The following YIPF5 variants were observed in gnomAD, a reference collection of about 807,000 sequenced individuals.
YIPF5 encodes Yip1 domain family member 5.
A neutral mutation model predicts 30.4 loss-of-function variants in YIPF5; 8 were observed. The observed-to-expected ratio is 0.26, with a 90% CI of 0.15 to 0.47. The LOEUF is 0.47. YIPF5 is among the 20% of genes least tolerant of loss of function. The pLI is 0.99. For synonymous variants in YIPF5, 104 were observed against 107.9 expected (o/e 0.96, Z 0.23); for missense variants, 282 against 301.8 (o/e 0.93, Z 0.49).
At position 144,164,216 on chromosome 5, in the gene YIPF5, T is replaced by TA; in HGVS notation, c.323dup (p.Thr109AsnfsTer16). Reference sequence around the variant, plus strand: ...CTACTTTTAACGGATGTAATACTGTTAGTGTTTTTTGCCAGATGTGGTCAA... The same window carrying TA: ...CTACTTTTAACGGATGTAATACTGTTAAGTGTTTTTTGCCAGATGTGGTCAA... On this transcript the variant is annotated frameshift_variant, in exon 4 of 6. Coordinates refer to ENST00000274496, the MANE Select transcript of YIPF5 (RefSeq NM_030799.9). LOFTEE classifies it high-confidence loss of function. 6.2e-7 allele frequency: 1 copy of TA among 1,612,378 alleles called. No individual in the cohort carries two copies. Among genetic ancestry groups the TA allele is most frequent in the Non-Finnish European group, 8.5e-7 (1 of 1,179,216 alleles).
At chr5:144,170,342 G>A (rs1752339709) in intron 1 of YIPF5, 193 bp downstream of exon 1, 1 of 185,906 alleles carries the variant, frequency 5.4e-6, no homozygotes, top group East Asian at 1.6e-4. Context: ...TAAGGCCTGC[G>A]GCCTGCCAGG....
At position 144,160,215 on chromosome 5, in the gene YIPF5, C is replaced by A; in HGVS notation, c.*182G>T. ...AAAGCTAGTCACACCGCAGGTAAATCCAATATAGTATGCAAAAGTTCTATA... is the reference window on the plus strand; with the variant it reads ...AAAGCTAGTCACACCGCAGGTAAATACAATATAGTATGCAAAAGTTCTATA... On this transcript the variant is annotated 3_prime_UTR_variant, in exon 6 of 6. Coordinates refer to ENST00000274496, the MANE Select transcript of YIPF5 (RefSeq NM_030799.9). 7.2e-7 allele frequency: 1 copy of A among 1,397,840 alleles called. No individual in the cohort carries two copies. The highest frequency in any genetic ancestry group is 9.3e-7 in the Non-Finnish European group (1 of 1,077,668). 86.6% of individuals were successfully genotyped at this position (1,397,840 alleles called of 1,614,324 possible). A position where few individuals can be genotyped will look rare whatever the true frequency, so the allele number is the denominator to read the frequency against.
chr5:144,162,121 G>C, intron 5 of YIPF5, 97 bp downstream of exon 5: 2 of 1,336,982 alleles, frequency 1.5e-6, no homozygotes, highest in Non-Finnish European at 2.1e-6. Flanking sequence ...TATCTGATAT[G>C]TTTGCTGAAT....
chr5:144,160,322 T>C lies in YIPF5; in HGVS notation c.*75A>G, dbSNP rs1433443180. The C allele has an allele frequency of 1.3e-6, 2 of 1,542,038 alleles. No individual in the cohort carries two copies. The highest frequency in any genetic ancestry group is 2.8e-5 in the African/African-American group (2 of 72,448). ...TGCATGAGAGTTGCGCTGCAGCAGT[T>C]TGCTGGTCCAATTTAAGAGTTCAAG... On this transcript the variant is annotated 3_prime_UTR_variant, in exon 6 of 6. Coordinates refer to ENST00000274496, the MANE Select transcript of YIPF5 (RefSeq NM_030799.9).
chr5:144,160,456 A>G lies in YIPF5; in HGVS notation c.715T>C (p.Leu239=), dbSNP rs114600366. ...AACAAAGCGCAAGGATATGCTACTA[A>G]AAGTTGCTGTCCTTCCATGGCTAAT... is the stretch of plus-strand genomic sequence containing the variant. The part of the protein sequence containing the change: ...SALAMEGQQL[L]VAYPCALLYG... The change falls in exon 6 of 6, where the codon TTA becomes CTA. Residue 239 remains leucine, a synonymous_variant. Coordinates refer to ENST00000274496, the MANE Select transcript of YIPF5 (RefSeq NM_030799.9). 9.0e-4 allele frequency: 1,455 copies of G among 1,614,142 alleles called. 9 individuals are homozygous for G. In the African/African-American group the frequency reaches 0.017, roughly 19 times the overall value.
Position 144,158,517 on chromosome 5 carries a change from T to C in YIPF5, c.*1880A>G. ...TTAAGTCTAACCAACAGCGAGATAA[T>C]TTTAATTTCCAAAGCATCTTCTACC... is the stretch of plus-strand genomic sequence containing the variant. On this transcript the variant is annotated 3_prime_UTR_variant, in exon 6 of 6. Transcript: ENST00000274496. 4 of 1,214,718 alleles carry C rather than the reference T, an allele frequency of 3.3e-6. No individual in the cohort carries two copies. The highest frequency in any genetic ancestry group is 4.2e-6 in the Non-Finnish European group (4 of 962,106). The allele number at this position is 1,214,718 out of a possible 1,614,324, so 75.2% of individuals were successfully genotyped here.
rs11459784 is a variant in YIPF5 at position 144,159,706 on chromosome 5, CTT to C, written c.*689_*690del. Reference sequence around the variant, plus strand: ...ATTTTTGCAGTAAGTCTTGTGTCTCCTTTTTTTTTTTTTTTTGAGACAGAGTC... The same window carrying C: ...ATTTTTGCAGTAAGTCTTGTGTCTCCTTTTTTTTTTTTTTGAGACAGAGTC... On this transcript the variant is annotated 3_prime_UTR_variant, in exon 6 of 6. Transcript: ENST00000274496. 9,067 of 871,462 alleles carry C rather than the reference CTT, an allele frequency of 0.01. No homozygotes were observed. The highest frequency in any genetic ancestry group is 0.011 in the Non-Finnish European group (8,339 of 736,726). The allele number at this position is 871,462 out of a possible 1,614,324, so 54.0% of individuals were successfully genotyped here. A position where few individuals can be genotyped will look rare whatever the true frequency, so the allele number is the denominator to read the frequency against.
At chr5:144,165,379 C>T (rs1380181504) in intron 3 of YIPF5, 53 bp downstream of exon 3, 10 of 1,550,898 alleles carry the variant, frequency 6.4e-6, no homozygotes, top group Non-Finnish European at 8.8e-6. Context: ...GATTAATTTT[C>T]ACTAACCAGC....
At chr5:144,161,625 C>T (rs960338792) in intron 5 of YIPF5, among the ~76,000 whole-genome samples, 4 of 152,066 alleles carry the variant, frequency 2.6e-5, no homozygotes, top group African/African-American at 7.2e-5. Context: ...GGATTACAGG[C>T]GTGAGCAACC....
rs763738715 is a variant in YIPF5, at chr5:144,160,432, A to G, written c.739T>C (p.Leu247=). The change falls in exon 6 of 6, where the codon TTA becomes CTA. Residue 247 remains leucine, a synonymous_variant. Transcript: ENST00000274496. ...QLLVAYPCAL[L]YGVFALISVF is the part of the protein sequence containing the mutation. ...GAAATCAGGGCAAAGACTCCATATA[A>G]CAAAGCGCAAGGATATGCTACTAAA... 8.1e-6 allele frequency: 13 copies of G among 1,614,048 alleles called. No homozygotes were observed. The highest frequency in any genetic ancestry group is 1.0e-5 in the Non-Finnish European group (12 of 1,180,030).
chr5:144,165,282 A>T, intron 3 of YIPF5, 150 bp downstream of exon 3: 2 of 1,023,176 alleles, frequency 2.0e-6, no homozygotes, highest in Non-Finnish European at 2.8e-6. Flanking sequence ...GGTTTCGCAT[A>T]TACTCTGTTT....
At chr5:144,170,415 T>C (rs1752342770) in intron 1 of YIPF5, 120 bp downstream of exon 1, 1 of 179,870 alleles carries the variant, frequency 5.6e-6, no homozygotes, top group Non-Finnish European at 1.2e-5. Context: ...GGCAAGGGCT[T>C]GAATGAGAGC....
chr5:144,161,394 G>GTATGCAAC (rs1459410683), intron 5 of YIPF5, among the ~76,000 whole-genome samples: 1 of 122,896 alleles, frequency 8.1e-6, no homozygotes, highest in African/African-American at 3.1e-5. Flanking sequence ...CCAGGCTGAA[G>GTATGCAAC]TATGCAACAG....
In YIPF5 at chr5:144,158,996, A is replaced by G. The variant is rs75116815; in HGVS notation, c.*1401T>C. On this transcript the variant is annotated 3_prime_UTR_variant, in exon 6 of 6. Transcript: ENST00000274496. ...AACTGAGCTTTGTCCAGAATCAGAG[A>G]CAGTTTTTCTAGAAAAAGCCAATGA... 14,850 of 985,160 alleles carry G rather than the reference A, an allele frequency of 0.015. 126 individuals are homozygous for G. Among genetic ancestry groups the G allele is most frequent in the Non-Finnish European group, 0.017 (13,776 of 829,772 alleles). 61.0% of individuals were successfully genotyped at this position (985,160 alleles called of 1,614,324 possible).
chr5:144,163,994 C>T, intron 4 of YIPF5, 117 bp downstream of exon 4: 2 of 1,294,334 alleles, frequency 1.5e-6, no homozygotes, highest in South Asian at 1.5e-5. Context: ...AGTACTATTC[C>T]AAACACATCA....
chr5:144,163,020 T>C (rs764785147), intron 4 of YIPF5, among the ~76,000 whole-genome samples: 3 of 152,216 alleles, frequency 2.0e-5, no homozygotes, highest in South Asian at 2.1e-4. Context: ...GGCTGATTTA[T>C]ACATCCCTTT....
In YIPF5 at chr5:144,159,956, C is replaced by T; in HGVS notation, c.*441G>A. The T allele has an allele frequency of 5.2e-6, 5 of 956,438 alleles. No homozygotes were observed. The highest frequency in any genetic ancestry group is 6.2e-6 in the Non-Finnish European group (5 of 803,510). The allele number at this position is 956,438 out of a possible 1,614,324, so 59.2% of individuals were successfully genotyped here. On this transcript the variant is annotated 3_prime_UTR_variant, in exon 6 of 6. Coordinates refer to ENST00000274496, the MANE Select transcript of YIPF5 (RefSeq NM_030799.9). ...ATCTCCTGCCCTTGTGATCCGCCCG[C>T]CTCGGCCTCCCAAAGTGCTGGGATT...
At chr5:144,160,945 C>G (rs769063580) in intron 5 of YIPF5, among the ~76,000 whole-genome samples, 7 of 152,106 alleles carry the variant, frequency 4.6e-5, no homozygotes, top group Non-Finnish European at 1.0e-4. Flanking sequence ...ACCCTTGCCC[C>G]CCATCAGACA....
At chr5:144,161,520 A>G (rs781593814) in intron 5 of YIPF5, among the ~76,000 whole-genome samples, 7 of 151,458 alleles carry the variant, frequency 4.6e-5, no homozygotes, top group Non-Finnish European at 8.8e-5. Flanking sequence ...CTAATTTTGT[A>G]TTTTTAGTAG....
Sources: gnomAD v4.1 joint callset for allele counts (sites outside exome capture counted in the v4.1 genomes callset) on GRCh38, gnomAD v4.1.1 for gene constraint, MANE v1.5 for transcripts, NCBI Gene and HGNC (gene_info 2026-07-23, HGNC 2026-07-21) for gene names.